RBMS2: variants seen among roughly 807,000 people sequenced by gnomAD.
RBMS2 encodes the protein RNA binding motif single stranded interacting protein 2.
A neutral mutation model predicts 58.4 loss-of-function variants in RBMS2; 38 were observed. The ratio of observed to expected loss-of-function variants is 0.65; its 90% confidence interval spans 0.50 to 0.85. RBMS2 has a LOEUF of 0.85. Among genes scored for constraint, RBMS2 ranks in the 40% least tolerant of loss-of-function variants. The pLI is 0.00. For synonymous variants in RBMS2, 151 were observed against 180.7 expected (o/e 0.84, Z 1.32); for missense variants, 367 against 503.7 (o/e 0.73, Z 2.60).
At chr12:56,582,200 G>T in intron 9 of RBMS2, 48 bp downstream of exon 9, 1 of 1,469,652 alleles carries the variant, frequency 6.8e-7, no homozygotes, top group East Asian at 2.3e-5. Flanking sequence ...CTACTACTGT[G>T]CTTTAAGTGA....
chr12:56,586,188 C>T (rs773939166), intron 9 of RBMS2, among the ~76,000 whole-genome samples: 8 of 152,094 alleles, frequency 5.3e-5, no homozygotes, highest in African/African-American at 7.2e-5. Flanking sequence ...CAAAATTAGC[C>T]GGGCATGGTG....
At chr12:56,566,842 T>C (rs926099224) in intron 2 of RBMS2, among the ~76,000 whole-genome samples, 1 of 151,964 alleles carries the variant, frequency 6.6e-6, no homozygotes, top group Non-Finnish European at 1.5e-5. Flanking sequence ...AAAACACAAC[T>C]GTCATGCAAA....
chr12:56,582,288 A>G, intron 9 of RBMS2, 136 bp downstream of exon 9: 1 of 757,646 alleles, frequency 1.3e-6, no homozygotes, highest in East Asian at 2.7e-5. Flanking sequence ...ATAACAGCGT[A>G]AAAGATGATC....
chr12:56,529,483 G>A (rs1873297169), intron 1 of RBMS2, among the ~76,000 whole-genome samples: 1 of 152,136 alleles, frequency 6.6e-6, no homozygotes, highest in African/African-American at 2.4e-5. Context: ...AGGATTGCTT[G>A]AGGCTGGGAG....
intron 1 of RBMS2, among the ~76,000 whole-genome samples, chr12:56,550,159 CA>C: frequency 6.6e-6 from 1 of 152,140 alleles, no homozygotes; most frequent in Non-Finnish European, 1.5e-5. Flanking sequence ...ATGTCATTTT[CA>C]TGTGAGAATC....
rs1409815992 is a variant in RBMS2 at position 56,559,933 on chromosome 12, C to T, written c.67-2484C>T. Among the ~76,000 whole-genome samples the T allele has an allele frequency of 2.1e-5, 3 of 139,932 alleles. No homozygotes were observed. In the East Asian group the frequency reaches 6.6e-4, roughly 31 times the overall value. The allele number at this position is 139,932 out of a possible 152,430, so 91.8% of individuals were successfully genotyped here. ...TTTTTGAGACGGAGTCGCCCTCTGT[C>T]ACCCAGGCTGGAATGCAGTGGCACG... On this transcript the variant is annotated intron_variant, in intron 1 of 13. Coordinates refer to ENST00000262031, the MANE Select transcript of RBMS2 (RefSeq NM_002898.4).
intron 4 of RBMS2, 88 bp from the exon 5 acceptor site, chr12:56,571,610 C>A (rs1882307074): frequency 7.3e-7 from 1 of 1,378,358 alleles, no homozygotes; most frequent in East Asian, 2.5e-5. Flanking sequence ...CCTATAGTCT[C>A]TTTTCTGAAA....
rs1402615365 is a variant in RBMS2, at chr12:56,587,548, C to T, written c.952-6C>T. The T allele has an allele frequency of 9.3e-6, 15 of 1,612,914 alleles. No homozygotes were observed. The highest frequency in any genetic ancestry group is 1.2e-5 in the Non-Finnish European group (14 of 1,179,448). ...AGCTAACCCTGTCCTTTGTTGCTGC[C>T]TCTAGGGTTCAGTTCTGACACCAGG... is the stretch of plus-strand genomic sequence containing the variant. On this transcript the variant is annotated splice_region_variant and splice_polypyrimidine_tract_variant and intron_variant, in intron 10 of 13. Coordinates refer to ENST00000262031, the MANE Select transcript of RBMS2 (RefSeq NM_002898.4).
At chr12:56,520,556 T>C (rs536285628), upstream of RBMS2, among the ~76,000 whole-genome samples, 172 of 152,296 alleles carry the variant, frequency 1.1e-3, no homozygotes, top group Non-Finnish European at 2.1e-3. Flanking sequence ...TAGGGGTTAC[T>C]GGATATCATT....
At chr12:56,559,575 G>A (rs1173819798) in intron 1 of RBMS2, among the ~76,000 whole-genome samples, 1 of 150,678 alleles carries the variant, frequency 6.6e-6, no homozygotes, top group Non-Finnish European at 1.5e-5. Flanking sequence ...GTCACGGCCG[G>A]GCGCGGTGGC....
intron 1 of RBMS2, among the ~76,000 whole-genome samples, chr12:56,527,492 A>G (rs542660596): frequency 6.6e-6 from 1 of 152,168 alleles, no homozygotes; most frequent in Admixed American, 6.6e-5. Context: ...GGCACCAGTA[A>G]TCTCAGTTAC....
intron 11 of RBMS2, 145 bp downstream of exon 11, chr12:56,587,809 AT>A: frequency 8.1e-7 from 1 of 1,239,862 alleles, no homozygotes; most frequent in Non-Finnish European, 1.1e-6. Flanking sequence ...ATAAACTACA[AT>A]GGTAGTGCTC....
At chr12:56,569,080 G>T in intron 3 of RBMS2, 47 bp downstream of exon 3, 1 of 1,527,860 alleles carries the variant, frequency 6.5e-7, no homozygotes, top group Non-Finnish European at 9.1e-7. Context: ...AGTAAGTGAG[G>T]CCATCCCTTG....
rs1885227085 is a variant in RBMS2 at position 56,590,493 on chromosome 12, T to C, written c.*1360T>C. The C allele has an allele frequency of 6.6e-6, 1 of 152,338 alleles. No homozygotes were observed. The highest frequency in any genetic ancestry group is 2.4e-5 in the African/African-American group (1 of 41,430). 9.4% of individuals were successfully genotyped at this position (152,338 alleles called of 1,614,324 possible). On this transcript the variant is annotated 3_prime_UTR_variant, in exon 14 of 14. Transcript: ENST00000262031. ...CCCCACTACCCCCAGCCAAGAATTA[T>C]CTGACTCCAGGGGTCAATATTGCCA...
Position 56,562,399 on chromosome 12 carries a change from C to T in RBMS2, c.67-18C>T, listed in dbSNP as rs1377261869. ...TAAATGGATAATCCTTCTACCTCTT[C>T]CTCATGTCTCCCTGCAGCCATATGT... On this transcript the variant is annotated intron_variant, in intron 1 of 13. Coordinates refer to ENST00000262031, the MANE Select transcript of RBMS2 (RefSeq NM_002898.4). 1.3e-6 allele frequency: 2 copies of T among 1,588,024 alleles called. No homozygotes were observed. The highest frequency in any genetic ancestry group is 3.3e-5 in the Admixed American group (2 of 59,800).
Position 56,577,456 on chromosome 12 carries a change from A to AATTATTATTATT in RBMS2, c.543-3703_543-3692dup, listed in dbSNP as rs138810999. ...AAAATAAAATAAAATGTTCATACAA[A>AATTATTATTATT]ATTATTATTATTATTATTATTATTA... On this transcript the variant is annotated intron_variant, in intron 5 of 13. Transcript: ENST00000262031. 2.8e-3 allele frequency among the ~76,000 whole-genome samples: 415 copies of AATTATTATTATT among 145,722 alleles called. 1 individual carries two copies. The highest frequency in any genetic ancestry group is 9.6e-3 in the African/African-American group (378 of 39,482).
chr12:56,562,375 A>G, intron 1 of RBMS2, 42 bp from the exon 2 acceptor site: 1 of 1,536,354 alleles, frequency 6.5e-7, no homozygotes, highest in East Asian at 2.3e-5. Context: ...TCCAACATGT[A>G]AATGGATAAT....
chr12:56,587,788 C>T (rs1433288770), intron 11 of RBMS2, 124 bp downstream of exon 11: 1 of 1,336,906 alleles, frequency 7.5e-7, no homozygotes, highest in Non-Finnish European at 1.0e-6. Context: ...GGGGCACACT[C>T]AGAACAGGAC....
chr12:56,584,431 C>CAA (rs1209646153), intron 9 of RBMS2, among the ~76,000 whole-genome samples: 3 of 87,622 alleles, frequency 3.4e-5, no homozygotes, highest in African/African-American at 4.3e-5. Context: ...GACCATGTCT[C>CAA]AAAAAAAAAA....
Sources: allele counts gnomAD v4.1 joint callset (sites outside exome capture counted in the v4.1 genomes callset), GRCh38; gene constraint gnomAD v4.1.1; transcripts MANE v1.5; gene names NCBI Gene and HGNC (gene_info 2026-07-23, HGNC 2026-07-21).